The following EYA4 variants were observed in gnomAD, a reference collection of about 807,000 sequenced individuals.
The protein encoded by EYA4 is protein phosphatase EYA4.
Under a neutral mutation model 87.9 loss-of-function variants are expected in EYA4, and 31 were observed. The ratio of observed to expected loss-of-function variants is 0.35; its 90% CI spans 0.27 to 0.48. EYA4 has a LOEUF of 0.48. Ranked by LOEUF, EYA4 falls within the 20% of genes least tolerant of loss-of-function variation. The probability of loss-of-function intolerance (pLI) is 0.99; values close to 1 mark genes in which losing one functional copy is unlikely to be tolerated. For missense variants in EYA4, 678 were observed against 761.4 expected, an observed-to-expected ratio of 0.89 and a Z score of 1.29; for synonymous variants, 263 against 270.6, an observed-to-expected ratio of 0.97 and a Z score of 0.28.
chr6:133,353,209 TAA>T (rs1470527283), intron 2 of EYA4, among the ~76,000 whole-genome samples: 1 of 152,138 alleles, frequency 6.6e-6, no homozygotes, highest in Non-Finnish European at 1.5e-5. Flanking sequence ...ACTTGACCCA[TAA>T]GTTTCTCAAT....
At chr6:133,275,416 C>T (rs1398791683) in intron 2 of EYA4, among the ~76,000 whole-genome samples, 1 of 152,118 alleles carries the variant, frequency 6.6e-6, no homozygotes, top group Non-Finnish European at 1.5e-5. Flanking sequence ...GGAGGGCTTC[C>T]CTCACACCCC....
At chr6:133,263,385 A>G (rs540134882) in intron 1 of EYA4, among the ~76,000 whole-genome samples, 121 of 152,284 alleles carry the variant, frequency 7.9e-4, no homozygotes, top group African/African-American at 2.8e-3. Context: ...CTTTCTTGCC[A>G]TCTTCATTTT....
chr6:133,270,005 C>G (rs1776555754), intron 1 of EYA4, among the ~76,000 whole-genome samples: 1 of 152,092 alleles, frequency 6.6e-6, no homozygotes, highest in African/African-American at 2.4e-5. Context: ...GGAGGCTAGG[C>G]CAGTCTCTCT....
At chr6:133,462,546 TC>T in intron 8 of EYA4, 69 bp downstream of exon 8, 2 of 1,611,746 alleles carry the variant, frequency 1.2e-6, no homozygotes, top group South Asian at 2.2e-5. Context: ...AGCTTTGTAT[TC>T]TATTGTAGGT....
chr6:133,260,118 G>A (rs56024425), intron 1 of EYA4, among the ~76,000 whole-genome samples: 6,250 of 151,976 alleles, frequency 0.041, 389 homozygotes, highest in African/African-American at 0.14. Flanking sequence ...TTTCTTTTGT[G>A]TCTGTTTTAA....
At chr6:133,485,722 G>T (rs1201609529) in intron 13 of EYA4, among the ~76,000 whole-genome samples, 1 of 152,192 alleles carries the variant, frequency 6.6e-6, no homozygotes, top group Non-Finnish European at 1.5e-5. Context: ...CACTTGGAAT[G>T]TGTTTTCATC....
chr6:133,270,584 C>A (rs1206446676), intron 1 of EYA4, among the ~76,000 whole-genome samples: 1 of 152,224 alleles, frequency 6.6e-6, no homozygotes. Context: ...ACTTCTTCTA[C>A]TACCCATTCT....
chr6:133,262,577 G>C (rs947543246), intron 1 of EYA4, among the ~76,000 whole-genome samples: 1 of 152,164 alleles, frequency 6.6e-6, no homozygotes, highest in Non-Finnish European at 1.5e-5. Flanking sequence ...AGACAAAATA[G>C]AACACCTTGT....
At chr6:133,505,597 T>C (rs533275245) in intron 13 of EYA4, among the ~76,000 whole-genome samples, 1 of 152,334 alleles carries the variant, frequency 6.6e-6, no homozygotes, top group African/African-American at 2.4e-5. Context: ...CGCACCATCC[T>C]CTGCCAGCTC....
intron 3 of EYA4, among the ~76,000 whole-genome samples, chr6:133,417,644 T>G (rs1006077435): frequency 2.0e-5 from 3 of 147,412 alleles, no homozygotes; most frequent in African/African-American, 8.0e-5. Context: ...ACAGATACAC[T>G]CTGTATTGGA....
At chr6:133,463,343 TTG>T (rs1250104018) in intron 9 of EYA4, among the ~76,000 whole-genome samples, 1 of 150,910 alleles carries the variant, frequency 6.6e-6, no homozygotes, top group Non-Finnish European at 1.5e-5. Context: ...CCTATTAAAA[TTG>T]TGTTTTATCT....
chr6:133,382,753 A>G (rs1296730137), intron 3 of EYA4, among the ~76,000 whole-genome samples: 1 of 151,860 alleles, frequency 6.6e-6, no homozygotes, highest in Non-Finnish European at 1.5e-5. Flanking sequence ...TTTGAATCTA[A>G]AATTGTGCCA....
chr6:133,504,782 A>T (rs990974290), intron 13 of EYA4, among the ~76,000 whole-genome samples: 1 of 152,016 alleles, frequency 6.6e-6, no homozygotes, highest in Non-Finnish European at 1.5e-5. Context: ...GTGTAGATGA[A>T]TACTGCTTGG....
chr6:133,277,510 T>C (rs1777274403), intron 2 of EYA4, among the ~76,000 whole-genome samples: 2 of 152,210 alleles, frequency 1.3e-5, no homozygotes, highest in East Asian at 3.9e-4. Context: ...TAAAAAGATG[T>C]CTTATGAAGT....
intron 3 of EYA4, among the ~76,000 whole-genome samples, chr6:133,399,331 T>C (rs1362438867): frequency 6.6e-6 from 1 of 152,144 alleles, no homozygotes; most frequent in Non-Finnish European, 1.5e-5. Context: ...TTCAATGTAT[T>C]TTTCTCTCCC....
chr6:133,259,822 C>A (rs1220929536), intron 1 of EYA4, among the ~76,000 whole-genome samples: 1 of 152,066 alleles, frequency 6.6e-6, no homozygotes. Flanking sequence ...ACCTTGATTC[C>A]TGAGAAATTA....
chr6:133,456,683 A>C (rs751251770), intron 6 of EYA4, 35 bp downstream of exon 6: 10 of 1,272,402 alleles, frequency 7.9e-6, no homozygotes, highest in Non-Finnish European at 1.2e-5. Context: ...TTACGTACAC[A>C]TGGGGGTGCA....
chr6:133,329,236 T>G (rs544967029), intron 2 of EYA4, among the ~76,000 whole-genome samples: 340 of 152,246 alleles, frequency 2.2e-3, no homozygotes, highest in Non-Finnish European at 3.4e-3. Flanking sequence ...TTCCAATGTG[T>G]ATTTTCCCAG....
intron 2 of EYA4, among the ~76,000 whole-genome samples, chr6:133,293,741 G>T (rs1778681080): frequency 6.6e-6 from 1 of 151,706 alleles, no homozygotes; most frequent in Non-Finnish European, 1.5e-5. Context: ...TTCGACACCA[G>T]CCTGGGCAAC....
Sources: gnomAD v4.1 joint callset for allele counts (sites outside exome capture counted in the v4.1 genomes callset) on GRCh38, gnomAD v4.1.1 for gene constraint, MANE v1.5 for transcripts, NCBI Gene and HGNC (gene_info 2026-07-23, HGNC 2026-07-21) for gene names.